NEGR1: variants seen among roughly 807,000 people sequenced by gnomAD.
The protein encoded by NEGR1 is neuronal growth regulator 1.
Under a neutral mutation model 40.9 loss-of-function variants are expected in NEGR1, and 10 were observed. That is an observed-to-expected ratio of 0.24 (90% CI 0.15 to 0.42). The LOEUF (loss-of-function observed/expected upper bound fraction) is 0.42, where lower values mean the gene tolerates loss of function less well. Ranked by LOEUF, NEGR1 falls within the 10% of genes least tolerant of loss-of-function variation. The pLI is 1.00. For missense variants in NEGR1, 352 were observed against 438.9 expected (o/e 0.80, Z 1.77); for synonymous variants, 185 against 166.8 (o/e 1.11, Z -0.84).
chr1:71,630,121 T>A lies in NEGR1; in HGVS notation c.668-18975A>T, dbSNP rs182651856. ...TATATTTTGCTCAAATAAATGCATATCCTTGTTAAGAAAAGAAGAATTTAT... is the reference window on the plus strand; with the variant it reads ...TATATTTTGCTCAAATAAATGCATAACCTTGTTAAGAAAAGAAGAATTTAT... On this transcript the variant is annotated intron_variant, in intron 4 of 6. Coordinates refer to ENST00000357731, the MANE Select transcript of NEGR1 (RefSeq NM_173808.3). Among the ~76,000 whole-genome samples the A allele has an allele frequency of 3.1e-4, 47 of 152,110 alleles. 1 individual carries two copies. The highest frequency in any genetic ancestry group is 2.5e-3 in the Admixed American group (38 of 15,236).
At chr1:71,500,632 A>G (rs1318404821) in intron 6 of NEGR1, among the ~76,000 whole-genome samples, 1 of 152,070 alleles carries the variant, frequency 6.6e-6, no homozygotes, top group Non-Finnish European at 1.5e-5. Flanking sequence ...ATTACATTAA[A>G]TGTCAGCACT....
In NEGR1 at chr1:71,551,100, C is replaced by T. The variant is rs147639327; in HGVS notation, c.940+41717G>A. ...ACTTAAATAACATTGCATATTCCATCGGGATTGCCAGTGGAATTTCTCCTA... is the reference window on the plus strand; with the variant it reads ...ACTTAAATAACATTGCATATTCCATTGGGATTGCCAGTGGAATTTCTCCTA... On this transcript the variant is annotated intron_variant, in intron 6 of 6. Coordinates refer to ENST00000357731, the MANE Select transcript of NEGR1 (RefSeq NM_173808.3). Among the ~76,000 whole-genome samples, 381 of 151,608 alleles carry T rather than the reference C, an allele frequency of 2.5e-3. 3 individuals carry two copies. The highest frequency in any genetic ancestry group is 8.7e-3 in the African/African-American group (360 of 41,430).
chr1:71,739,208 A>C lies in NEGR1; in HGVS notation c.535+36964T>G, dbSNP rs1166730187. Among the ~76,000 whole-genome samples, 95 of 150,848 alleles carry C rather than the reference A, an allele frequency of 6.3e-4. 1 individual carries two copies. The highest frequency in any genetic ancestry group is 1.9e-3 in the African/African-American group (76 of 40,834). On this transcript the variant is annotated intron_variant, in intron 3 of 6. Transcript: ENST00000357731. The stretch of plus-strand genomic sequence containing the variant: ...AGAAAAAAGGCAGGCAGAAAAAAAA[A>C]AAAAAAAAACAAAAAAAAAAAACGT...
At chr1:71,527,096 CA>C (rs2101438436) in intron 6 of NEGR1, among the ~76,000 whole-genome samples, 1 of 151,656 alleles carries the variant, frequency 6.6e-6, no homozygotes, top group African/African-American at 2.4e-5. Context: ...GTGCATTACA[CA>C]TATTTCTCTT....
At chr1:71,816,931 CTCTA>C (rs547906287) in intron 2 of NEGR1, among the ~76,000 whole-genome samples, 119 of 127,374 alleles carry the variant, frequency 9.3e-4, no homozygotes, top group South Asian at 8.4e-3. Context: ...TCCTTTTTTT[CTCTA>C]TCTATCTCTT....
intron 1 of NEGR1, among the ~76,000 whole-genome samples, chr1:71,995,783 C>G (rs1646499098): frequency 6.6e-6 from 1 of 152,140 alleles, no homozygotes; most frequent in South Asian, 2.1e-4. Flanking sequence ...TTTCTCTGAT[C>G]ACTCCATCAG....
chr1:71,807,371 A>G (rs1291968756), intron 2 of NEGR1, among the ~76,000 whole-genome samples: 1 of 152,180 alleles, frequency 6.6e-6, no homozygotes, highest in Non-Finnish European at 1.5e-5. Flanking sequence ...TGTAATAGAT[A>G]AAAGAGAAGT....
intron 1 of NEGR1, among the ~76,000 whole-genome samples, chr1:71,983,559 T>A (rs1557468163): frequency 6.6e-6 from 1 of 152,206 alleles, no homozygotes; most frequent in African/African-American, 2.4e-5. Flanking sequence ...GGGCTTGAAC[T>A]TCAGTAAGTT....
intron 1 of NEGR1, among the ~76,000 whole-genome samples, chr1:72,120,449 T>A (rs955229292): frequency 5.3e-5 from 8 of 152,078 alleles, no homozygotes; most frequent in Non-Finnish European, 8.8e-5. Flanking sequence ...AGCCACCAAA[T>A]ACAAATATCC....
Position 72,106,650 on chromosome 1 carries a change from A to C in NEGR1, c.177-171339T>G, listed in dbSNP as rs142732573. Among the ~76,000 whole-genome samples, 846 of 152,158 alleles carry C rather than the reference A, an allele frequency of 5.6e-3. 12 individuals carry two copies. Among genetic ancestry groups the C allele is most frequent in the African/African-American group, 0.02 (816 of 41,564 alleles). On this transcript the variant is annotated intron_variant, in intron 1 of 6. Transcript: ENST00000357731. ...CTATTGCCTTGAATGAAAAACTAAT[A>C]ATAGAAATTTGACTAAGGAAGACAA... is the stretch of plus-strand genomic sequence containing the variant.
chr1:72,241,794 GA>G (rs1465656621), intron 1 of NEGR1, among the ~76,000 whole-genome samples: 1 of 149,828 alleles, frequency 6.7e-6, no homozygotes, highest in South Asian at 2.1e-4. Context: ...TCATAAACTG[GA>G]AAAAAAAGTA....
intron 6 of NEGR1, among the ~76,000 whole-genome samples, chr1:71,470,904 C>T (rs534214913): frequency 3.8e-4 from 58 of 152,062 alleles, no homozygotes; most frequent in Non-Finnish European, 6.5e-4. Context: ...GTTTATTTTT[C>T]TTTGATTTCC....
intron 6 of NEGR1, among the ~76,000 whole-genome samples, chr1:71,512,292 TA>T (rs903764492): frequency 7.3e-4 from 109 of 149,492 alleles, no homozygotes; most frequent in East Asian, 1.2e-3. Flanking sequence ...GTATATAAAT[TA>T]AAAAAAAAAT....
chr1:71,760,614 C>T (rs1204370182), intron 3 of NEGR1, among the ~76,000 whole-genome samples: 1 of 152,130 alleles, frequency 6.6e-6, no homozygotes, highest in Non-Finnish European at 1.5e-5. Context: ...TGCAACTCTG[C>T]AATGGAACTA....
chr1:71,806,888 G>GTTTTT lies in NEGR1; in HGVS notation c.410-30596_410-30592dup, dbSNP rs1244863559. 3.7e-4 allele frequency among the ~76,000 whole-genome samples: 45 copies of GTTTTT among 120,540 alleles called. 5 individuals are homozygous for GTTTTT. Among genetic ancestry groups the GTTTTT allele is most frequent in the Non-Finnish European group, 5.7e-4 (32 of 56,212 alleles). 79.1% of individuals were successfully genotyped at this position (120,540 alleles called of 152,430 possible). On this transcript the variant is annotated intron_variant, in intron 2 of 6. Coordinates refer to ENST00000357731, the MANE Select transcript of NEGR1 (RefSeq NM_173808.3). ...AAGTACTGCGCAAACATGTCGATCT[G>GTTTTT]TTTTTTTTTGTTTTTTTTTTTTGAG...
intron 4 of NEGR1, among the ~76,000 whole-genome samples, chr1:71,613,722 A>G (rs1341149443): frequency 6.6e-6 from 1 of 152,102 alleles, no homozygotes; most frequent in Non-Finnish European, 1.5e-5. Context: ...TTTCATAAAT[A>G]TTTCCTATTC....
intron 6 of NEGR1, among the ~76,000 whole-genome samples, chr1:71,513,522 T>G (rs1212529385): frequency 6.6e-6 from 1 of 152,244 alleles, no homozygotes; most frequent in Non-Finnish European, 1.5e-5. Flanking sequence ...GATCAACATC[T>G]TTCTCCTGAA....
chr1:71,990,263 C>G (rs981884565), intron 1 of NEGR1, among the ~76,000 whole-genome samples: 1 of 152,138 alleles, frequency 6.6e-6, no homozygotes, highest in Admixed American at 6.5e-5. Context: ...CTCCCCAGAA[C>G]GCTTCAAGTT....
At chr1:71,828,338 C>A (rs1658716854) in intron 2 of NEGR1, among the ~76,000 whole-genome samples, 1 of 151,776 alleles carries the variant, frequency 6.6e-6, no homozygotes, top group Admixed American at 6.6e-5. Context: ...TACTCTTCAT[C>A]CTTTCATATG....
Sources: gnomAD v4.1 joint callset for allele counts (sites outside exome capture counted in the v4.1 genomes callset) on GRCh38, gnomAD v4.1.1 for gene constraint, MANE v1.5 for transcripts, NCBI Gene and HGNC (gene_info 2026-07-23, HGNC 2026-07-21) for gene names.